Variants in EXOC6B observed in about 807,000 individuals in gnomAD.
EXOC6B encodes SEC15 homolog B.
EXOC6B carries 54 observed loss-of-function variants against 113.5 expected under a neutral mutation model. That is an observed-to-expected ratio of 0.48 (90% CI 0.38 to 0.60). The LOEUF (loss-of-function observed/expected upper bound fraction) is 0.60, where lower values mean the gene tolerates loss of function less well. Ranked by LOEUF, EXOC6B falls within the 20% of genes least tolerant of loss-of-function variation. The pLI is 0.00. For synonymous variants in EXOC6B, 357 were observed against 339.0 expected (o/e 1.05, Z -0.58); for missense variants, 797 against 977.5 (o/e 0.82, Z 2.46).
At chr2:72,278,414 C>T (rs1169645211) in intron 20 of EXOC6B, among the ~76,000 whole-genome samples, 1 of 152,180 alleles carries the variant, frequency 6.6e-6, no homozygotes. Context: ...TAAATGGCAA[C>T]AATTAAACTG....
At chr2:72,678,205 A>G (rs533705188) in intron 6 of EXOC6B, among the ~76,000 whole-genome samples, 1 of 152,188 alleles carries the variant, frequency 6.6e-6, no homozygotes, top group Admixed American at 6.5e-5. Context: ...ATGCAAATGC[A>G]ATGTACCAAC....
intron 1 of EXOC6B, among the ~76,000 whole-genome samples, chr2:72,808,526 A>C (rs1248962106): frequency 6.6e-6 from 1 of 152,234 alleles, no homozygotes; most frequent in Admixed American, 6.5e-5. Context: ...TGTGAGGCCA[A>C]GGCAGGAGGA....
At chr2:72,284,348 A>G (rs959139517) in intron 20 of EXOC6B, among the ~76,000 whole-genome samples, 9 of 152,142 alleles carry the variant, frequency 5.9e-5, no homozygotes, top group East Asian at 1.9e-4. Context: ...GTAATCCATT[A>G]TATCAATGGG....
chr2:72,219,811 C>T (rs997317086), intron 20 of EXOC6B, among the ~76,000 whole-genome samples: 2 of 152,114 alleles, frequency 1.3e-5, no homozygotes, highest in Admixed American at 6.6e-5. Flanking sequence ...ATTTTATTTT[C>T]ACAATCTTTT....
intron 18 of EXOC6B, among the ~76,000 whole-genome samples, chr2:72,391,466 AC>A (rs1233781185): frequency 3.9e-5 from 6 of 152,040 alleles, no homozygotes; most frequent in African/African-American, 1.5e-4. Context: ...TGTTTGTAAG[AC>A]TTTTTTCTTT....
At chr2:72,211,636 T>G (rs1297036615) in intron 20 of EXOC6B, among the ~76,000 whole-genome samples, 1 of 152,182 alleles carries the variant, frequency 6.6e-6, no homozygotes, top group Non-Finnish European at 1.5e-5. Context: ...CATAATGAGG[T>G]TGCTAGAAGG....
At chr2:72,235,369 A>G (rs1428352860) in intron 20 of EXOC6B, among the ~76,000 whole-genome samples, 1 of 152,314 alleles carries the variant, frequency 6.6e-6, no homozygotes, top group East Asian at 1.9e-4. Flanking sequence ...ACACACGGAC[A>G]CAAAGAAGGG....
chr2:72,710,073 T>G (rs1367138456), intron 6 of EXOC6B, among the ~76,000 whole-genome samples: 1 of 151,992 alleles, frequency 6.6e-6, no homozygotes, highest in African/African-American at 2.4e-5. Context: ...CCCAGCTAAT[T>G]TTTTGTATTT....
chr2:72,572,699 C>T (rs1221326040), intron 7 of EXOC6B, among the ~76,000 whole-genome samples: 1 of 152,124 alleles, frequency 6.6e-6, no homozygotes, highest in Non-Finnish European at 1.5e-5. Context: ...CAGTGGGTCA[C>T]GAAAGACCTT....
chr2:72,606,874 G>C (rs1414984343), intron 6 of EXOC6B, among the ~76,000 whole-genome samples: 1 of 151,986 alleles, frequency 6.6e-6, no homozygotes, highest in Non-Finnish European at 1.5e-5. Flanking sequence ...GCCTCCCAAA[G>C]TGCTGGGATT....
chr2:72,194,367 A>G (rs575629415), intron 20 of EXOC6B, among the ~76,000 whole-genome samples: 1 of 152,246 alleles, frequency 6.6e-6, no homozygotes, highest in African/African-American at 2.4e-5. Flanking sequence ...ATTAACTAAC[A>G]TGTGTGAGAA....
Position 72,535,647 on chromosome 2 carries a change from C to T in EXOC6B, c.916-20521G>A, listed in dbSNP as rs1293461736. On this transcript the variant is annotated intron_variant, in intron 8 of 21. Transcript: ENST00000272427. ...AAGCACTTTGGGAGGCTGAGGCAGG[C>T]GGATCACCTGAGGTCGAGAGTTCAA... 5.9e-5 allele frequency among the ~76,000 whole-genome samples: 9 copies of T among 151,766 alleles called. No individual in the cohort carries two copies. The East Asian group carries it at 7.8e-4, about 13-fold the overall frequency.
At chr2:72,641,432 T>A (rs964190406) in intron 6 of EXOC6B, among the ~76,000 whole-genome samples, 6 of 152,152 alleles carry the variant, frequency 3.9e-5, no homozygotes, top group Non-Finnish European at 7.3e-5. Flanking sequence ...GATTGGTGGG[T>A]CCCCCACCCA....
chr2:72,563,069 T>C (rs759285474), intron 7 of EXOC6B, among the ~76,000 whole-genome samples: 1 of 152,186 alleles, frequency 6.6e-6, no homozygotes, highest in East Asian at 1.9e-4. Flanking sequence ...TTTTACATTC[T>C]ATAACTAAGA....
Position 72,559,495 on chromosome 2 carries a change from A to G in EXOC6B, c.873T>C (p.Asp291=). ...EEVPGAQDLV[D]FSPVYRCLHI... ...GTAGACATCGATAAACTGGAGAGAA[A>G]TCCACCAAATCTTGGGCCCCAGGTA... Residue 291 remains aspartate (D), a synonymous_variant, in exon 8 of 22, where the codon GAT becomes GAC. Coordinates refer to ENST00000272427, the MANE Select transcript of EXOC6B (RefSeq NM_015189.3). 1 of 1,613,120 alleles carries G rather than the reference A, an allele frequency of 6.2e-7. No homozygotes were observed. The highest frequency in any genetic ancestry group is 8.5e-7 in the Non-Finnish European group (1 of 1,179,584).
At chr2:72,179,578 T>C in intron 21 of EXOC6B, 117 bp from the exon 22 acceptor site, 6 of 1,178,262 alleles carry the variant, frequency 5.1e-6, no homozygotes, top group Non-Finnish European at 6.2e-6. Context: ...AATGAGAGAG[T>C]CCAGAATATC....
chr2:72,359,107 C>T (rs912261806), intron 19 of EXOC6B, among the ~76,000 whole-genome samples: 4 of 152,212 alleles, frequency 2.6e-5, no homozygotes, highest in South Asian at 2.1e-4. Flanking sequence ...CTATGAAATG[C>T]GTATATTTAA....
intron 14 of EXOC6B, 45 bp downstream of exon 14, chr2:72,496,409 G>T: frequency 8.3e-7 from 1 of 1,198,782 alleles, no homozygotes; most frequent in Non-Finnish European, 1.2e-6. Flanking sequence ...GCTTTTAAGA[G>T]GATGCCAAAA....
At chr2:72,619,450 G>T (rs1318323397) in intron 6 of EXOC6B, among the ~76,000 whole-genome samples, 1 of 151,992 alleles carries the variant, frequency 6.6e-6, no homozygotes, top group African/African-American at 2.4e-5. Flanking sequence ...TCATAGACAG[G>T]ATAACATATG....
Sources: gnomAD v4.1 joint callset for allele counts (sites outside exome capture counted in the v4.1 genomes callset) on GRCh38, gnomAD v4.1.1 for gene constraint, MANE v1.5 for transcripts, NCBI Gene and HGNC (gene_info 2026-07-23, HGNC 2026-07-21) for gene names.